USP15: variants seen among roughly 807,000 people sequenced by gnomAD.
USP15 encodes the protein ubiquitin carboxyl-terminal hydrolase 15.
USP15 carries 18 observed loss-of-function variants against 127.1 expected under a neutral mutation model. The observed-to-expected ratio is 0.14, with a 90% CI of 0.10 to 0.21. USP15 has a LOEUF of 0.21. USP15 is among the 10% of genes least tolerant of loss of function. The pLI is 1.00. For missense variants in USP15, 805 were observed against 1,159.9 expected (o/e 0.69, Z 4.44); for synonymous variants, 364 against 393.7 (o/e 0.92, Z 0.89).
intron 1 of USP15, among the ~76,000 whole-genome samples, chr12:62,291,041 CCA>C (rs2063951506): frequency 6.6e-6 from 1 of 152,168 alleles, no homozygotes; most frequent in African/African-American, 2.4e-5. Context: ...CTTGCTGAGA[CCA>C]CACAGTCTGA....
At chr12:62,281,792 A>G (rs958762653) in intron 1 of USP15, among the ~76,000 whole-genome samples, 4 of 152,340 alleles carry the variant, frequency 2.6e-5, no homozygotes, top group East Asian at 1.9e-4. Flanking sequence ...TAATAGTATC[A>G]TTGTACAGAA....
At chr12:62,364,346 T>C (rs2066413070) in intron 8 of USP15, among the ~76,000 whole-genome samples, 1 of 152,126 alleles carries the variant, frequency 6.6e-6, no homozygotes, top group Non-Finnish European at 1.5e-5. Flanking sequence ...TCATTTGATA[T>C]TGGAGATCAT....
At position 62,329,969 on chromosome 12, in the gene USP15, A is replaced by G. The variant is rs971148625; in HGVS notation, c.683+4036A>G. On this transcript the variant is annotated intron_variant, in intron 6 of 21. Coordinates refer to ENST00000280377, the MANE Select transcript of USP15 (RefSeq NM_001252078.2). ...TCTTTGTAGCTGCATAGTTTGTAGT[A>G]GTGGGGATTTGGAGATAGCCTAGCT... Among the ~76,000 whole-genome samples the G allele has an allele frequency of 3.9e-5, 6 of 152,210 alleles. No individual in the cohort carries two copies. The South Asian group carries it at 1.2e-3, about 31-fold the overall frequency.
At chr12:62,394,851 C>CAAA (rs751952712) in intron 19 of USP15, among the ~76,000 whole-genome samples, 1 of 95,284 alleles carries the variant, frequency 1.0e-5, no homozygotes. Context: ...GACTCCCTCT[C>CAAA]AAAAAAAAAA....
chr12:62,340,625 A>G (rs772198411), intron 6 of USP15, among the ~76,000 whole-genome samples: 2 of 152,048 alleles, frequency 1.3e-5, no homozygotes, highest in Non-Finnish European at 2.9e-5. Flanking sequence ...TTCTGCCTTC[A>G]TTTTGTTACT....
At chr12:62,344,997 G>A (rs2065769094) in intron 6 of USP15, among the ~76,000 whole-genome samples, 1 of 152,234 alleles carries the variant, frequency 6.6e-6, no homozygotes, top group Non-Finnish European at 1.5e-5. Context: ...AGGGGCTGCT[G>A]TGAAGACCTC....
chr12:62,312,325 A>G, intron 3 of USP15: 1 of 341,584 alleles, frequency 2.9e-6, no homozygotes, highest in Non-Finnish European at 6.1e-6. Context: ...GTTTCCATGA[A>G]ACTTTTCATA....
Position 62,408,278 on chromosome 12 carries a change from T to A in USP15, c.*3903T>A, listed in dbSNP as rs1747908517. ...AAAGGCCAATTTTTTGTTTTGTTAT[T>A]TTTAAGTTACCTACAGATAATGCAT... On this transcript the variant is annotated 3_prime_UTR_variant, in exon 22 of 22. Coordinates refer to ENST00000280377, the MANE Select transcript of USP15 (RefSeq NM_001252078.2). 6.6e-6 allele frequency: 1 copy of A among 151,868 alleles called. No homozygotes were observed. Among genetic ancestry groups the A allele is most frequent in the Admixed American group, 6.6e-5 (1 of 15,198 alleles). The allele number at this position is 151,868 out of a possible 1,614,324, so 9.4% of individuals were successfully genotyped here.
intron 1 of USP15, among the ~76,000 whole-genome samples, chr12:62,287,721 G>A (rs573498285): frequency 4.6e-5 from 7 of 151,896 alleles, no homozygotes; most frequent in Middle Eastern, 3.2e-3. Context: ...TACACCTTGC[G>A]TTAATTTTTG....
chr12:62,358,991 T>G (rs1032743144), intron 8 of USP15, among the ~76,000 whole-genome samples: 5 of 152,110 alleles, frequency 3.3e-5, no homozygotes, highest in African/African-American at 9.7e-5. Context: ...ATCCTGACCT[T>G]ATGAAGATTA....
At chr12:62,325,780 A>C in intron 5 of USP15, 92 bp from the exon 6 acceptor site, 1 of 1,019,400 alleles carries the variant, frequency 9.8e-7, no homozygotes, top group African/African-American at 1.6e-5. Flanking sequence ...TCACAGAGTT[A>C]CTTTAGTTTC....
intron 8 of USP15, among the ~76,000 whole-genome samples, chr12:62,357,933 G>T (rs943218437): frequency 2.0e-5 from 3 of 152,058 alleles, no homozygotes; most frequent in Admixed American, 1.3e-4. Flanking sequence ...ATAACTAATA[G>T]AATAGATTCT....
intron 2 of USP15, among the ~76,000 whole-genome samples, chr12:62,296,689 A>G (rs896757867): frequency 5.3e-5 from 8 of 152,176 alleles, no homozygotes; most frequent in Non-Finnish European, 1.5e-5. Flanking sequence ...TCCAGTTAAG[A>G]ATTTGTAGTA....
intron 5 of USP15, among the ~76,000 whole-genome samples, chr12:62,325,528 A>G: frequency 6.6e-6 from 1 of 152,120 alleles, no homozygotes; most frequent in East Asian, 1.9e-4. Flanking sequence ...TCTCTGTTCA[A>G]CCTACAAATA....
chr12:62,386,352 A>G (rs1302232247), intron 11 of USP15, among the ~76,000 whole-genome samples: 1 of 151,906 alleles, frequency 6.6e-6, no homozygotes, highest in African/African-American at 2.4e-5. Flanking sequence ...ATTAGGAAAA[A>G]TATTGAATAT....
chr12:62,295,999 CTCTG>C (rs533985383), intron 2 of USP15, among the ~76,000 whole-genome samples: 454 of 152,318 alleles, frequency 3.0e-3, no homozygotes, highest in African/African-American at 0.01. Flanking sequence ...AGAGAGTTTT[CTCTG>C]TCTGGTGGCA....
At chr12:62,381,228 CT>C (rs1202177536) in intron 8 of USP15, among the ~76,000 whole-genome samples, 1 of 152,038 alleles carries the variant, frequency 6.6e-6, no homozygotes, top group African/African-American at 2.4e-5. Context: ...AGGTAGTTTG[CT>C]GTGGTTAAAA....
intron 14 of USP15, 39 bp from the exon 15 acceptor site, chr12:62,390,825 T>C (rs2067302939): frequency 6.8e-7 from 1 of 1,466,146 alleles, no homozygotes; most frequent in African/African-American, 1.4e-5. Context: ...TTTTTATCTT[T>C]GTAGTACTGA....
Position 62,348,595 on chromosome 12 carries a change from T to C in USP15, c.684-626T>C, listed in dbSNP as rs188368135. On this transcript the variant is annotated intron_variant, in intron 6 of 21. Coordinates refer to ENST00000280377, the MANE Select transcript of USP15 (RefSeq NM_001252078.2). ...AAATTATTGCTGTATTATAGATTTG[T>C]TGATTATAAGTCATGCCTTTAATAC... Among the ~76,000 whole-genome samples the C allele has an allele frequency of 1.3e-3, 193 of 152,326 alleles. 1 individual carries two copies. Among genetic ancestry groups the C allele is most frequent in the Admixed American group, 0.012 (181 of 15,288 alleles).
Sources: gnomAD v4.1 joint callset for allele counts (sites outside exome capture counted in the v4.1 genomes callset) on GRCh38, gnomAD v4.1.1 for gene constraint, MANE v1.5 for transcripts, NCBI Gene and HGNC (gene_info 2026-07-23, HGNC 2026-07-21) for gene names.